SLC25A48: variants seen among roughly 807,000 people sequenced by gnomAD.
The protein encoded by SLC25A48 is CTC-321K16.1.
A neutral mutation model predicts 32.2 loss-of-function variants in SLC25A48; 29 were observed. The ratio of observed to expected loss-of-function variants is 0.90; its 90% CI spans 0.67 to 1.23. The LOEUF is 1.23. SLC25A48 is among the 50% of genes most tolerant of loss of function. The pLI is 0.00. For synonymous variants in SLC25A48, 164 were observed against 172.3 expected, an observed-to-expected ratio of 0.95 and a Z score of 0.38; for missense variants, 399 against 422.7, an observed-to-expected ratio of 0.94 and a Z score of 0.49.
At chr5:135,835,678 TAAA>T (rs35114794) in intron 1 of SLC25A48, among the ~76,000 whole-genome samples, 57 of 70,378 alleles carry the variant, frequency 8.1e-4, no homozygotes, top group Admixed American at 2.6e-3. Context: ...TTGCTAATTG[TAAA>T]AAAAAAAAAA....
At chr5:135,749,306 A>ATGAAG (rs1303968277) in intron 3 of SLC25A48, among the ~76,000 whole-genome samples, 1 of 151,768 alleles carries the variant, frequency 6.6e-6, no homozygotes, top group African/African-American at 2.4e-5. Flanking sequence ...CCCCAAGAAA[A>ATGAAG]TGAAGTAAAC....
chr5:135,804,674 T>C (rs1757422703), intron 3 of SLC25A48, among the ~76,000 whole-genome samples: 1 of 151,646 alleles, frequency 6.6e-6, no homozygotes, highest in Admixed American at 6.6e-5. Context: ...ATATTCCTTC[T>C]AATATCACAG....
chr5:135,652,390 T>G (rs887729277), intron 3 of SLC25A48: 3 of 456,064 alleles, frequency 6.6e-6, no homozygotes, highest in Non-Finnish European at 1.3e-5. Flanking sequence ...AGCACCACCA[T>G]CCATGGATTC....
chr5:135,701,073 C>T (rs1220744039), intron 3 of SLC25A48, among the ~76,000 whole-genome samples: 4 of 152,178 alleles, frequency 2.6e-5, no homozygotes, highest in Non-Finnish European at 5.9e-5. Context: ...GCAGCTCTCC[C>T]CACTCCTAGA....
chr5:135,670,987 G>A (rs1753641483), intron 3 of SLC25A48, among the ~76,000 whole-genome samples: 1 of 152,158 alleles, frequency 6.6e-6, no homozygotes, highest in African/African-American at 2.4e-5. Context: ...ATTAATCCCT[G>A]GTATACCTGA....
At chr5:135,686,126 TC>T (rs1184327884) in intron 3 of SLC25A48, among the ~76,000 whole-genome samples, 1 of 152,156 alleles carries the variant, frequency 6.6e-6, no homozygotes, top group Non-Finnish European at 1.5e-5. Context: ...GTTCAAATCT[TC>T]TCATCACCAC....
chr5:135,724,037 A>G (rs1310991884), intron 3 of SLC25A48, among the ~76,000 whole-genome samples: 2 of 152,230 alleles, frequency 1.3e-5, no homozygotes, highest in African/African-American at 2.4e-5. Context: ...GCTCAAGCCC[A>G]GATCCCTTGC....
chr5:135,787,408 A>G (rs1016990059), intron 3 of SLC25A48, among the ~76,000 whole-genome samples: 3 of 151,976 alleles, frequency 2.0e-5, no homozygotes, highest in African/African-American at 7.3e-5. Flanking sequence ...GTAATATTTT[A>G]GGGGGATATT....
At chr5:135,625,169 G>T (rs1033464274) in intron 1 of SLC25A48, among the ~76,000 whole-genome samples, 28 of 152,146 alleles carry the variant, frequency 1.8e-4, no homozygotes, top group Admixed American at 1.8e-3. Context: ...ATGAGGAAAG[G>T]CCTCCCAGAA....
At chr5:135,809,264 A>G (rs1291892056) in intron 3 of SLC25A48, among the ~76,000 whole-genome samples, 1 of 152,034 alleles carries the variant, frequency 6.6e-6, no homozygotes, top group East Asian at 1.9e-4. Context: ...ATGCCACTAC[A>G]CTCCAGCCTG....
At chr5:135,703,164 T>C (rs1754432005) in intron 3 of SLC25A48, among the ~76,000 whole-genome samples, 1 of 152,164 alleles carries the variant, frequency 6.6e-6, no homozygotes, top group African/African-American at 2.4e-5. Context: ...AGGCTTGTGT[T>C]GTTTTGTCTA....
At chr5:135,695,450 T>C (rs1431465840) in intron 3 of SLC25A48, among the ~76,000 whole-genome samples, 1 of 152,226 alleles carries the variant, frequency 6.6e-6, no homozygotes. Context: ...AGATAATTGT[T>C]TTCTTTCCCT....
chr5:135,612,594 G>A lies in SLC25A48; in HGVS notation c.-848-16643G>A, dbSNP rs561412684. 7.2e-4 allele frequency among the ~76,000 whole-genome samples: 109 copies of A among 152,182 alleles called. 2 individuals carry two copies. In the South Asian group the frequency reaches 0.022, roughly 31 times the overall value. On this transcript the variant is annotated intron_variant, in intron 1 of 10. Transcript: ENST00000646290. ...TCTATCATTCTACTCTCTATCTCCA[G>A]GAGATCAACATATTTAGCTCCCACG...
At chr5:135,820,032 A>G (rs551778732) in intron 4 of SLC25A48, among the ~76,000 whole-genome samples, 17 of 152,260 alleles carry the variant, frequency 1.1e-4, no homozygotes, top group African/African-American at 3.8e-4. Flanking sequence ...TTATTTAGTT[A>G]AACATACACT....
intron 4 of SLC25A48, among the ~76,000 whole-genome samples, chr5:135,862,588 A>T (rs1490687554): frequency 6.6e-6 from 1 of 152,206 alleles, no homozygotes; most frequent in Non-Finnish European, 1.5e-5. Flanking sequence ...CTTCAATGAG[A>T]AAGGCCTCAG....
At chr5:135,644,859 C>T (rs1476673022) in intron 3 of SLC25A48, among the ~76,000 whole-genome samples, 1 of 152,190 alleles carries the variant, frequency 6.6e-6, no homozygotes, top group Non-Finnish European at 1.5e-5. Context: ...CAGGGAGGGA[C>T]TTTCCACCAA....
At chr5:135,792,335 T>G (rs1757052782) in intron 3 of SLC25A48, among the ~76,000 whole-genome samples, 1 of 151,782 alleles carries the variant, frequency 6.6e-6, no homozygotes, top group Admixed American at 6.6e-5. Flanking sequence ...TGGATGTTAC[T>G]CCTATAAAAC....
chr5:135,740,285 C>T (rs746983151), intron 3 of SLC25A48, among the ~76,000 whole-genome samples: 3 of 152,040 alleles, frequency 2.0e-5, no homozygotes, highest in Non-Finnish European at 4.4e-5. Flanking sequence ...CCTCTGCCTC[C>T]TGGGTTCAAG....
intron 3 of SLC25A48, among the ~76,000 whole-genome samples, chr5:135,647,645 TG>T (rs746126272): frequency 4.6e-5 from 7 of 152,176 alleles, no homozygotes; most frequent in African/African-American, 9.7e-5. Context: ...TCCTGGGCTC[TG>T]GGACACATGG....
Sources: allele counts gnomAD v4.1 joint callset (sites outside exome capture counted in the v4.1 genomes callset), GRCh38; gene constraint gnomAD v4.1.1; transcripts MANE v1.5; gene names NCBI Gene and HGNC (gene_info 2026-07-23, HGNC 2026-07-21).